Variants in PPARGC1A observed in about 807,000 individuals in gnomAD.
The protein encoded by PPARGC1A is PPARG coactivator 1 alpha.
PPARGC1A carries 25 observed loss-of-function variants against 88.7 expected under a neutral mutation model. The ratio of observed to expected loss-of-function variants is 0.28; its 90% CI spans 0.21 to 0.39. The LOEUF is 0.39. PPARGC1A is among the 10% of genes least tolerant of loss of function. The pLI is 1.00. For missense variants in PPARGC1A, 880 were observed against 968.7 expected (o/e 0.91, Z 1.22); for synonymous variants, 363 against 355.6 (o/e 1.02, Z -0.24).
the PPARGC1A span, among the ~76,000 whole-genome samples, chr4:23,951,059 G>A: frequency 1.3e-5 from 2 of 152,040 alleles, no homozygotes; most frequent in East Asian, 1.9e-4. Context: ...ACTTATTGAC[G>A]ATTTGCTACA....
In PPARGC1A at chr4:23,794,025, A is replaced by G. The variant is rs769712723; in HGVS notation, c.*1797T>C. 38 of 152,772 alleles carry G rather than the reference A, an allele frequency of 2.5e-4. No homozygotes were observed. The highest frequency in any genetic ancestry group is 4.6e-4 in the Non-Finnish European group (31 of 68,034). 9.5% of individuals were successfully genotyped at this position (152,772 alleles called of 1,614,324 possible). On this transcript the variant is annotated 3_prime_UTR_variant, in exon 13 of 13. Coordinates refer to ENST00000264867, the MANE Select transcript of PPARGC1A (RefSeq NM_013261.5). ...GGATGCATAACTGTAAAAAATACAG[A>G]TAAATACCATCGTCATACTCTGCCA... is the stretch of plus-strand genomic sequence containing the variant.
the PPARGC1A span, among the ~76,000 whole-genome samples, chr4:23,938,316 C>A: frequency 6.6e-6 from 1 of 152,182 alleles, no homozygotes; most frequent in Non-Finnish European, 1.5e-5. Flanking sequence ...CCAAGGTACA[C>A]TTCCTCATTT....
the PPARGC1A span, among the ~76,000 whole-genome samples, chr4:23,951,726 T>A: frequency 6.6e-6 from 1 of 152,148 alleles, no homozygotes; most frequent in Admixed American, 6.6e-5. Context: ...ACTCTTCAAT[T>A]TATTGACTTC....
intron 5 of PPARGC1A, among the ~76,000 whole-genome samples, chr4:23,824,727 A>G (rs1000265438): frequency 6.6e-6 from 1 of 152,108 alleles, no homozygotes; most frequent in Non-Finnish European, 1.5e-5. Context: ...ACACATATGA[A>G]AATAGAATTT....
chr4:24,133,526 AC>A, the PPARGC1A span, among the ~76,000 whole-genome samples: 1 of 152,196 alleles, frequency 6.6e-6, no homozygotes, highest in Non-Finnish European at 1.5e-5. Context: ...TTTCGTTATC[AC>A]GTCTTCGTTG....
the PPARGC1A span, among the ~76,000 whole-genome samples, chr4:24,113,311 T>A: frequency 6.6e-6 from 1 of 152,144 alleles, no homozygotes; most frequent in Non-Finnish European, 1.5e-5. Context: ...GATGGATGGA[T>A]GGATGGAAAT....
At chr4:23,839,127 T>C (rs1369836772) in intron 2 of PPARGC1A, among the ~76,000 whole-genome samples, 2 of 152,170 alleles carry the variant, frequency 1.3e-5, no homozygotes, top group African/African-American at 4.8e-5. Flanking sequence ...GCATAAAACA[T>C]ATATTCACAT....
the PPARGC1A span, among the ~76,000 whole-genome samples, chr4:24,023,355 C>G: frequency 6.6e-6 from 1 of 152,054 alleles, no homozygotes; most frequent in Non-Finnish European, 1.5e-5. Flanking sequence ...AAAGTTGAAG[C>G]CTAAGTTAAC....
chr4:24,136,726 A>C, the PPARGC1A span, among the ~76,000 whole-genome samples: 2 of 152,136 alleles, frequency 1.3e-5, 1 homozygote, highest in South Asian at 4.1e-4. Context: ...GCTGTCATGA[A>C]CTGAACTGTG....
chr4:23,936,159 C>T, the PPARGC1A span, among the ~76,000 whole-genome samples: 6 of 152,120 alleles, frequency 3.9e-5, no homozygotes, highest in East Asian at 1.9e-4. Context: ...AAATGATTGG[C>T]GAATCAATAC....
chr4:24,081,712 C>T, the PPARGC1A span, among the ~76,000 whole-genome samples: 5 of 151,882 alleles, frequency 3.3e-5, no homozygotes, highest in South Asian at 2.1e-4. Context: ...ACAATTGATT[C>T]GCACTAATGA....
intron 2 of PPARGC1A, among the ~76,000 whole-genome samples, chr4:23,869,278 C>T (rs1712748190): frequency 6.6e-6 from 1 of 152,160 alleles, no homozygotes; most frequent in African/African-American, 2.4e-5. Flanking sequence ...AGGAAAGACA[C>T]AGATGTCTTC....
the PPARGC1A span, among the ~76,000 whole-genome samples, chr4:24,452,435 C>A: frequency 6.6e-6 from 1 of 152,170 alleles, no homozygotes; most frequent in African/African-American, 2.4e-5. Flanking sequence ...AGAAGTTCTA[C>A]TCTCTCGACC....
chr4:23,906,606 A>AT (rs1720073450), upstream of PPARGC1A, among the ~76,000 whole-genome samples: 1 of 120,518 alleles, frequency 8.3e-6, no homozygotes, highest in African/African-American at 4.8e-5. Flanking sequence ...ACTCTGTCTC[A>AT]CAAAAAAAAA....
At chr4:23,958,576 CTCAAATACAAGGGAGTTTT>C in the PPARGC1A span, among the ~76,000 whole-genome samples, 1 of 152,036 alleles carries the variant, frequency 6.6e-6, no homozygotes, top group African/African-American at 2.4e-5. Flanking sequence ...ATCAATTTTT[CTCAAATACAAGGGAGTTTT>C]TCAAAAGGTA....
chr4:23,800,092 T>C (rs187319281), intron 12 of PPARGC1A, among the ~76,000 whole-genome samples: 1 of 152,134 alleles, frequency 6.6e-6, no homozygotes, highest in Non-Finnish European at 1.5e-5. Flanking sequence ...ATCACCTGTA[T>C]CAATTACTCT....
At chr4:24,105,173 G>A in the PPARGC1A span, among the ~76,000 whole-genome samples, 1 of 152,200 alleles carries the variant, frequency 6.6e-6, no homozygotes, top group Non-Finnish European at 1.5e-5. Flanking sequence ...GCACAGTGAA[G>A]GTAAGATAGT....
chr4:24,316,512 A>T, the PPARGC1A span, among the ~76,000 whole-genome samples: 35 of 152,342 alleles, frequency 2.3e-4, no homozygotes, highest in Middle Eastern at 3.4e-3. Flanking sequence ...CTTTTCCTAG[A>T]TATTAATATA....
At chr4:23,900,458 A>G (rs1276553362), upstream of PPARGC1A, among the ~76,000 whole-genome samples, 1 of 152,198 alleles carries the variant, frequency 6.6e-6, no homozygotes, top group Non-Finnish European at 1.5e-5. Context: ...ATGGAAATAT[A>G]AATGCCTATT....
Sources: allele counts gnomAD v4.1 joint callset (sites outside exome capture counted in the v4.1 genomes callset), GRCh38; gene constraint gnomAD v4.1.1; transcripts MANE v1.5; gene names NCBI Gene and HGNC (gene_info 2026-07-23, HGNC 2026-07-21).